Variants in TUBB2B observed in about 807,000 individuals in gnomAD.
TUBB2B encodes the protein tubulin beta-2B chain.
In TUBB2B, 5 loss-of-function variants were observed where a neutral mutation model predicts 35.0. The observed-to-expected ratio is 0.14, with a 90% confidence interval of 0.07 to 0.30. TUBB2B has a LOEUF of 0.30. Among genes scored for constraint, TUBB2B ranks in the 10% least tolerant of loss-of-function variants. TUBB2B has a pLI of 1.00. For synonymous variants in TUBB2B, 166 were observed against 250.5 expected (o/e 0.66, Z 3.18); for missense variants, 63 against 601.8 (o/e 0.10, Z 9.37).
chr6:3,227,451 G>C lies in TUBB2B; in HGVS notation c.57+36C>G. On this transcript the variant is annotated intron_variant, in intron 1 of 3. Coordinates refer to ENST00000259818, the MANE Select transcript of TUBB2B (RefSeq NM_178012.5). This position sits in a 1 kb window ranked among gnomAD's most constrained non-coding sequence, Gnocchi z 7.8. ...CGAGGGGCTCTCGGCCCAGGTTCGC[G>C]CCCCCATTGGACCCCCTCCGCTGCG... The C allele has an allele frequency of 6.2e-7, 1 of 1,602,076 alleles. No individual in the cohort carries two copies. The highest frequency in any genetic ancestry group is 8.5e-7 in the Non-Finnish European group (1 of 1,179,128).
At position 3,226,732 on chromosome 6, in the gene TUBB2B, G is replaced by T; in HGVS notation, c.58-63C>A. On this transcript the variant is annotated intron_variant, in intron 1 of 3. Coordinates refer to ENST00000259818, the MANE Select transcript of TUBB2B (RefSeq NM_178012.5). This position sits in a 1 kb window ranked among gnomAD's most constrained non-coding sequence, Gnocchi z 5.5. ...CCCCAGAAACGCCAAGGCTCACAAT[G>T]AAATGTCCCCGACTCAGTTCCGACA... 1 of 1,376,136 alleles carries T rather than the reference G, an allele frequency of 7.3e-7. No individual in the cohort carries two copies. The highest frequency in any genetic ancestry group is 1.0e-6 in the Non-Finnish European group (1 of 962,968). The allele number at this position is 1,376,136 out of a possible 1,614,324, so 85.2% of individuals were successfully genotyped here.
rs761718524 is a variant in TUBB2B at position 3,226,131 on chromosome 6, C to T, written c.277+28G>A. 5.6e-6 allele frequency: 9 copies of T among 1,593,038 alleles called. No individual in the cohort carries two copies. The South Asian group carries it at 8.8e-5, about 16-fold the overall frequency. On this transcript the variant is annotated intron_variant, in intron 3 of 3. Coordinates refer to ENST00000259818, the MANE Select transcript of TUBB2B (RefSeq NM_178012.5). The surrounding 1 kb of genome is among the most constrained non-coding windows in gnomAD (Gnocchi z 5.5). ...ACTGCCCAGCGTAAAATGAATCCCT[C>T]ATGCTCTCAGCCACACCAGGCACTC...
rs587784499 is a variant in TUBB2B, at chr6:3,225,591, G to A, written c.498C>T (p.Thr166=). Residue 166 remains threonine, a synonymous_variant, in exon 4 of 4, where the codon ACC becomes ACT. Coordinates refer to ENST00000259818, the MANE Select transcript of TUBB2B (RefSeq NM_178012.5). Reference sequence around the variant, plus strand: ...CCTTGGGTGAGGGCATGACGCTGAAGGTGTTCATGATGCGGTCTGGGTACT... The same window carrying A: ...CCTTGGGTGAGGGCATGACGCTGAAAGTGTTCATGATGCGGTCTGGGTACT... The part of the protein sequence containing the change: ...REEYPDRIMN[T]FSVMPSPKVS... 1.9e-5 allele frequency: 30 copies of A among 1,614,000 alleles called. No individual in the cohort carries two copies. The highest frequency in any genetic ancestry group is 3.3e-4 in the Middle Eastern group (2 of 6,082).
rs754249525 is a variant in TUBB2B, at chr6:3,224,721, C to T, written c.*30G>A. ...CCCCCACCCCCTCGCTTTCCTCCTC[C>T]GCTTTCCCTAACCCGTCTCGCGGGG... On this transcript the variant is annotated 3_prime_UTR_variant, in exon 4 of 4. Coordinates refer to ENST00000259818, the MANE Select transcript of TUBB2B (RefSeq NM_178012.5). 3.1e-6 allele frequency: 5 copies of T among 1,612,350 alleles called. No individual in the cohort carries two copies. Among genetic ancestry groups the T allele is most frequent in the Admixed American group, 1.7e-5 (1 of 59,990 alleles).
Position 3,224,533 on chromosome 6 carries a change from A to G in TUBB2B, c.*218T>C, listed in dbSNP as rs1056563834. ...CGTTTATGTGATTTTAGCCATTACA[A>G]CAGTAATTCAGAAATATCTCAAATG... On this transcript the variant is annotated 3_prime_UTR_variant, in exon 4 of 4. Coordinates refer to ENST00000259818, the MANE Select transcript of TUBB2B (RefSeq NM_178012.5). The G allele has an allele frequency of 1.9e-5, 13 of 689,622 alleles. No individual in the cohort carries two copies. Among genetic ancestry groups the G allele is most frequent in the Non-Finnish European group, 2.6e-5 (11 of 419,706 alleles). 42.7% of individuals were successfully genotyped at this position (689,622 alleles called of 1,614,324 possible).
At position 3,226,488 on chromosome 6, in the gene TUBB2B, TG is replaced by T; in HGVS notation, c.166+72del. Reference sequence around the variant, plus strand: ...CCACCCTCTCCCAGGGCCACACCCCTGGGGTCCCACGCAAGGGAAAGGGGAG... The same window carrying T: ...CCACCCTCTCCCAGGGCCACACCCCTGGGTCCCACGCAAGGGAAAGGGGAG... On this transcript the variant is annotated intron_variant, in intron 2 of 3. Coordinates refer to ENST00000259818, the MANE Select transcript of TUBB2B (RefSeq NM_178012.5). The surrounding 1 kb of genome is among the most constrained non-coding windows in gnomAD (Gnocchi z 5.5). 7.1e-7 allele frequency: 1 copy of T among 1,402,700 alleles called. No individual in the cohort carries two copies. The highest frequency in any genetic ancestry group is 1.0e-6 in the Non-Finnish European group (1 of 988,680). The allele number at this position is 1,402,700 out of a possible 1,614,324, so 86.9% of individuals were successfully genotyped here. A position where few individuals can be genotyped will look rare whatever the true frequency, so the allele number is the denominator to read the frequency against.
Position 3,227,427 on chromosome 6 carries a change from G to T in TUBB2B, c.57+60C>A. ...TCCCAGGACCGCGCCTGGGGACCCCGAGGGGCTCTCGGCCCAGGTTCGCGC... is the reference window on the plus strand; with the variant it reads ...TCCCAGGACCGCGCCTGGGGACCCCTAGGGGCTCTCGGCCCAGGTTCGCGC... On this transcript the variant is annotated intron_variant, in intron 1 of 3. Coordinates refer to ENST00000259818, the MANE Select transcript of TUBB2B (RefSeq NM_178012.5). This position sits in a 1 kb window ranked among gnomAD's most constrained non-coding sequence, Gnocchi z 7.8. The T allele has an allele frequency of 6.3e-7, 1 of 1,593,762 alleles. No individual in the cohort carries two copies. The highest frequency in any genetic ancestry group is 1.1e-5 in the South Asian group (1 of 90,504).
Position 3,227,426 on chromosome 6 carries a change from C to A in TUBB2B, c.57+61G>T. ...TTCCCAGGACCGCGCCTGGGGACCC[C>A]GAGGGGCTCTCGGCCCAGGTTCGCG... On this transcript the variant is annotated intron_variant, in intron 1 of 3. Coordinates refer to ENST00000259818, the MANE Select transcript of TUBB2B (RefSeq NM_178012.5). The surrounding 1 kb of genome is among the most constrained non-coding windows in gnomAD (Gnocchi z 7.8). 1.3e-6 allele frequency: 2 copies of A among 1,593,230 alleles called. No individual in the cohort carries two copies. Among genetic ancestry groups the A allele is most frequent in the Non-Finnish European group, 1.7e-6 (2 of 1,175,816 alleles).
In TUBB2B at chr6:3,225,414, G is replaced by A; in HGVS notation, c.675C>T (p.Leu225=). 1.2e-6 allele frequency: 2 copies of A among 1,612,858 alleles called. No individual in the cohort carries two copies. Among genetic ancestry groups the A allele is most frequent in the Non-Finnish European group, 8.5e-7 (1 of 1,179,592 alleles). The change falls in exon 4 of 4, where the codon CTC becomes CTT. Residue 225 remains leucine (L), a synonymous_variant. Coordinates refer to ENST00000259818, the MANE Select transcript of TUBB2B (RefSeq NM_178012.5). ...TCATGGTGGCCGACACCAGGTGGTTGAGGTCCCCGTAGGTGGGGGTGGTCA... is the reference window on the plus strand; with the variant it reads ...TCATGGTGGCCGACACCAGGTGGTTAAGGTCCCCGTAGGTGGGGGTGGTCA... The part of the protein sequence containing the change: ...LKLTTPTYGD[L]NHLVSATMSG...
At position 3,227,408 on chromosome 6, in the gene TUBB2B, G is replaced by T; in HGVS notation, c.57+79C>A. On this transcript the variant is annotated intron_variant, in intron 1 of 3. Transcript: ENST00000259818. This position sits in a 1 kb window ranked among gnomAD's most constrained non-coding sequence, Gnocchi z 7.8. ...TTTGGCGATCCCCAGGCCTTCCCAG[G>T]ACCGCGCCTGGGGACCCCGAGGGGC... The T allele has an allele frequency of 6.3e-7, 1 of 1,576,474 alleles. No homozygotes were observed. The highest frequency in any genetic ancestry group is 8.6e-7 in the Non-Finnish European group (1 of 1,165,612).
chr6:3,226,673 A>G lies in TUBB2B; in HGVS notation c.58-4T>C, dbSNP rs1390519438. The G allele has an allele frequency of 1.9e-6, 3 of 1,612,546 alleles. No individual in the cohort carries two copies. The highest frequency in any genetic ancestry group is 1.7e-6 in the Non-Finnish European group (2 of 1,178,556). On this transcript the variant is annotated splice_polypyrimidine_tract_variant and splice_region_variant and intron_variant, in intron 1 of 3. Coordinates refer to ENST00000259818, the MANE Select transcript of TUBB2B (RefSeq NM_178012.5). This position sits in a 1 kb window ranked among gnomAD's most constrained non-coding sequence, Gnocchi z 5.5. ...CATCACTGATGACCTCCCAAAACTGAGACAGAAAGGCTGCATTTAGCCATG... is the reference window on the plus strand; with the variant it reads ...CATCACTGATGACCTCCCAAAACTGGGACAGAAAGGCTGCATTTAGCCATG...
chr6:3,227,119 C>T lies in TUBB2B; in HGVS notation c.57+368G>A, dbSNP rs999875166. ...GCTCTCCTCCCCTCCCCCGGCAGCTCGACTCCGGTTCAAGCGAGTACAATT... is the reference window on the plus strand; with the variant it reads ...GCTCTCCTCCCCTCCCCCGGCAGCTTGACTCCGGTTCAAGCGAGTACAATT... On this transcript the variant is annotated intron_variant, in intron 1 of 3. Coordinates refer to ENST00000259818, the MANE Select transcript of TUBB2B (RefSeq NM_178012.5). This position sits in a 1 kb window ranked among gnomAD's most constrained non-coding sequence, Gnocchi z 7.8. 6.6e-6 allele frequency among the ~76,000 whole-genome samples: 1 copy of T among 152,182 alleles called. No individual in the cohort carries two copies. The highest frequency in any genetic ancestry group is 2.4e-5 in the African/African-American group (1 of 41,456).
Position 3,224,734 on chromosome 6 carries a change from C to T in TUBB2B, c.*17G>A, listed in dbSNP as rs1757250339. ...GCTTTCCTCCTCCGCTTTCCCTAACCCGTCTCGCGGGGGCATCTACGCCTC... is the reference window on the plus strand; with the variant it reads ...GCTTTCCTCCTCCGCTTTCCCTAACTCGTCTCGCGGGGGCATCTACGCCTC... On this transcript the variant is annotated 3_prime_UTR_variant, in exon 4 of 4. Transcript: ENST00000259818. 2 of 1,613,836 alleles carry T rather than the reference C, an allele frequency of 1.2e-6. No individual in the cohort carries two copies. Among genetic ancestry groups the T allele is most frequent in the Non-Finnish European group, 1.7e-6 (2 of 1,179,848 alleles).
chr6:3,226,504 G>A lies in TUBB2B; in HGVS notation c.166+57C>T. The A allele has an allele frequency of 1.3e-6, 2 of 1,521,072 alleles. No homozygotes were observed. Among genetic ancestry groups the A allele is most frequent in the Admixed American group, 1.7e-5 (1 of 59,924 alleles). The allele number at this position is 1,521,072 out of a possible 1,614,324, so 94.2% of individuals were successfully genotyped here. ...CCACACCCCTGGGGTCCCACGCAAG[G>A]GAAAGGGGAGAAGGTGGAAAAACTG... On this transcript the variant is annotated intron_variant, in intron 2 of 3. Transcript: ENST00000259818. The surrounding 1 kb of genome is among the most constrained non-coding windows in gnomAD (Gnocchi z 5.5).
chr6:3,226,487 C>T lies in TUBB2B; in HGVS notation c.166+74G>A. 7.1e-7 allele frequency: 1 copy of T among 1,405,900 alleles called. No individual in the cohort carries two copies. The highest frequency in any genetic ancestry group is 1.0e-6 in the Non-Finnish European group (1 of 990,622). The allele number at this position is 1,405,900 out of a possible 1,614,324, so 87.1% of individuals were successfully genotyped here. On this transcript the variant is annotated intron_variant, in intron 2 of 3. Transcript: ENST00000259818. The surrounding 1 kb of genome is among the most constrained non-coding windows in gnomAD (Gnocchi z 5.5). The stretch of plus-strand genomic sequence containing the variant: ...TCCACCCTCTCCCAGGGCCACACCC[C>T]TGGGGTCCCACGCAAGGGAAAGGGG...
At position 3,227,574 on chromosome 6, in the gene TUBB2B, G is replaced by A; in HGVS notation, c.-31C>T. On this transcript the variant is annotated 5_prime_UTR_variant, in exon 1 of 4. Coordinates refer to ENST00000259818, the MANE Select transcript of TUBB2B (RefSeq NM_178012.5). The surrounding 1 kb of genome is among the most constrained non-coding windows in gnomAD (Gnocchi z 7.8). ...CTCGTCAGCGTCCTCCTGGTCCGGC[G>A]GCGTCTGGGTCTGTCCGTCCTCCCC... The A allele has an allele frequency of 6.2e-7, 1 of 1,609,446 alleles. No individual in the cohort carries two copies.
chr6:3,224,689 G>A lies in TUBB2B; in HGVS notation c.*62C>T. 1.2e-6 allele frequency: 2 copies of A among 1,603,418 alleles called. No individual in the cohort carries two copies. Among genetic ancestry groups the A allele is most frequent in the East Asian group, 2.2e-5 (1 of 44,644 alleles). On this transcript the variant is annotated 3_prime_UTR_variant, in exon 4 of 4. Coordinates refer to ENST00000259818, the MANE Select transcript of TUBB2B (RefSeq NM_178012.5). ...CCTTCCACTGCCAGGTTATCGTCCC[G>A]GGAAGCCCCCCACCCCCTCGCTTTC...
At chr6:3,225,938 C>T (rs1757282789) in intron 3 of TUBB2B, 127 bp from the exon 4 acceptor site, 6 of 1,493,206 alleles carry the variant, frequency 4.0e-6, no homozygotes, top group Non-Finnish European at 2.7e-6. Flanking sequence ...CCAAAATGGC[C>T]AAACGTTAAA....
At position 3,227,505 on chromosome 6, in the gene TUBB2B, G is replaced by A. The variant is rs745796434; in HGVS notation, c.39C>T (p.Gly13=). The A allele has an allele frequency of 1.6e-5, 25 of 1,609,608 alleles. 1 individual carries two copies. The South Asian group carries it at 2.7e-4, about 18-fold the overall frequency. Residue 13 remains glycine, a synonymous_variant, in exon 1 of 4, where the codon GGC becomes GGT. Coordinates refer to ENST00000259818, the MANE Select transcript of TUBB2B (RefSeq NM_178012.5). The surrounding 1 kb of genome is among the most constrained non-coding windows in gnomAD (Gnocchi z 7.8). The part of the protein sequence containing the change: ...EIVHIQAGQC[G]NQIGAKFWEV... The stretch of plus-strand genomic sequence containing the variant: ...CGCCCACCTTGGCGCCGATCTGGTT[G>A]CCGCACTGGCCCGCCTGGATGTGCA...
Sources: allele counts gnomAD v4.1 joint callset (sites outside exome capture counted in the v4.1 genomes callset), GRCh38; gene constraint gnomAD v4.1.1; non-coding constraint Gnocchi (gnomAD v3.1); transcripts MANE v1.5; gene names NCBI Gene and HGNC (gene_info 2026-07-23, HGNC 2026-07-21).